MDN1: variants seen among roughly 807,000 people sequenced by gnomAD.
MDN1 encodes midasin.
MDN1 carries 266 observed loss-of-function variants against 669.2 expected under a neutral mutation model. That is an observed-to-expected ratio of 0.40 (90% confidence interval 0.36 to 0.44). The LOEUF (loss-of-function observed/expected upper bound fraction) is 0.44, where lower values mean the gene tolerates loss of function less well. MDN1 is among the 20% of genes least tolerant of loss of function. The pLI, the probability that MDN1 is intolerant of heterozygous loss-of-function variation, is 1.00. For missense variants in MDN1, 5,940 were observed against 6,754.0 expected (o/e 0.88, Z 4.22); for synonymous variants, 2,385 against 2,457.1 (o/e 0.97, Z 0.87).
At chr6:89,670,170 A>ATATATATATTTTT (rs1444537561) in intron 83 of MDN1, among the ~76,000 whole-genome samples, 20 of 23,396 alleles carry the variant, frequency 8.5e-4, no homozygotes, top group Non-Finnish European at 9.7e-4. Context: ...ATATATATAT[A>ATATATATATTTTT]TTTTTTTTTT....
intron 83 of MDN1, 99 bp from the exon 84 acceptor site, chr6:89,668,250 A>C: frequency 7.0e-7 from 1 of 1,425,636 alleles, no homozygotes; most frequent in Non-Finnish European, 9.5e-7. Context: ...ACACATACTG[A>C]ATTCTTTTTC....
chr6:89,717,165 G>A (rs934583011), intron 43 of MDN1, among the ~76,000 whole-genome samples: 2 of 152,102 alleles, frequency 1.3e-5, no homozygotes, highest in African/African-American at 4.8e-5. Flanking sequence ...GTGCAAACTG[G>A]GCTTCCTTTA....
intron 77 of MDN1, chr6:89,675,842 T>A: frequency 1.8e-6 from 1 of 557,536 alleles, no homozygotes; most frequent in Non-Finnish European, 3.1e-6. Context: ...AAAGATGGCA[T>A]TCTCAATTTG....
chr6:89,654,559 G>A (rs759945328), intron 92 of MDN1, among the ~76,000 whole-genome samples: 21 of 152,112 alleles, frequency 1.4e-4, no homozygotes, highest in Middle Eastern at 6.8e-3. Context: ...AAATTATGAG[G>A]ATATAATGTA....
chr6:89,756,701 T>C (rs1461408028), intron 19 of MDN1, among the ~76,000 whole-genome samples: 1 of 152,130 alleles, frequency 6.6e-6, no homozygotes, highest in African/African-American at 2.4e-5. Flanking sequence ...GGCCGGTGGA[T>C]CACGAGGTCA....
At chr6:89,812,175 G>A (rs969020308) in intron 1 of MDN1, among the ~76,000 whole-genome samples, 32 of 151,794 alleles carry the variant, frequency 2.1e-4, no homozygotes, top group South Asian at 4.2e-4. Flanking sequence ...TAGTAGAGAC[G>A]GGGTTTCACT....
intron 75 of MDN1, among the ~76,000 whole-genome samples, chr6:89,678,006 G>A (rs1036717537): frequency 2.0e-5 from 3 of 152,266 alleles, no homozygotes; most frequent in Non-Finnish European, 4.4e-5. Context: ...AGGCACGGTG[G>A]CTCACGCCTG....
In MDN1 at chr6:89,700,680, G is replaced by A; in HGVS notation, c.8604C>T (p.Ile2868=). Residue 2868 remains isoleucine, a synonymous_variant, in exon 56 of 102, where the codon ATC becomes ATT. Transcript: ENST00000369393. ...KKSLLQAWGL[I]LRANILEDVS... ...CATCTTCCAAAATATTTGCTCTGAGGATCAGTCCCCAGGCTTGCAGGAGAC... is the reference window on the plus strand; with the variant it reads ...CATCTTCCAAAATATTTGCTCTGAGAATCAGTCCCCAGGCTTGCAGGAGAC... The A allele has an allele frequency of 6.2e-7, 1 of 1,614,190 alleles. No homozygotes were observed. The highest frequency in any genetic ancestry group is 8.5e-7 in the Non-Finnish European group (1 of 1,180,036).
chr6:89,781,358 A>C (rs1328114891), intron 10 of MDN1, 41 bp downstream of exon 10: 1 of 1,591,870 alleles, frequency 6.3e-7, no homozygotes, highest in Non-Finnish European at 8.6e-7. Context: ...CTCACAAAAA[A>C]AAAAGAAAGA....
intron 29 of MDN1, among the ~76,000 whole-genome samples, chr6:89,745,051 CACCCCTCA>C (rs981485649): frequency 6.8e-6 from 1 of 147,822 alleles, no homozygotes; most frequent in African/African-American, 2.5e-5. Context: ...TGGTTTGCTG[CACCCCTCA>C]ACTCGTGATT....
chr6:89,672,351 C>T lies in MDN1; in HGVS notation c.13643G>A (p.Arg4548Lys). 6.2e-7 allele frequency: 1 copy of T among 1,612,308 alleles called. No homozygotes were observed. Among genetic ancestry groups the T allele is most frequent in the East Asian group, 2.2e-5 (1 of 44,886 alleles). Residue 4548 changes from arginine (R) to lysine (K), a missense_variant, in exon 82 of 102, where the codon AGA becomes AAA. By Grantham distance (26) the Arg-to-Lys change is conservative (BLOSUM62 2). Around this residue, in one of 5 missense-constraint regions of MDN1, gnomAD observed 2,280 missense variants for 2,576.3 expected, o/e 0.88. Transcript: ENST00000369393. ...TTTTGTTAGATGTCCTGATTGCAGTCTCTCAAAGCCTGCTGCCTCATTCAT... is the reference window on the plus strand; with the variant it reads ...TTTTGTTAGATGTCCTGATTGCAGTTTCTCAAAGCCTGCTGCCTCATTCAT... ...SPQEDYAGFE[R>K]LQSGHLTKLL... is the part of the protein sequence containing the mutation.
intron 34 of MDN1, among the ~76,000 whole-genome samples, chr6:89,732,226 A>T (rs1815648172): frequency 6.6e-6 from 1 of 151,434 alleles, no homozygotes; most frequent in Non-Finnish European, 1.5e-5. Context: ...TTTAAGCATT[A>T]TTCCTAACAC....
At chr6:89,699,972 T>C (rs1813032629) in intron 57 of MDN1, 91 bp downstream of exon 57, 2 of 1,282,856 alleles carry the variant, frequency 1.6e-6, no homozygotes, top group Non-Finnish European at 2.2e-6. Flanking sequence ...ACCATCCCTA[T>C]CAAGTCTGTG....
At chr6:89,758,763 A>C in intron 18 of MDN1, 53 bp downstream of exon 18, 1 of 1,592,886 alleles carries the variant, frequency 6.3e-7, no homozygotes, top group Non-Finnish European at 8.6e-7. Flanking sequence ...TCTCACTCTA[A>C]AGTGGCCACA....
At chr6:89,768,722 G>A (rs1357228547) in intron 15 of MDN1, among the ~76,000 whole-genome samples, 1 of 152,050 alleles carries the variant, frequency 6.6e-6, no homozygotes, top group South Asian at 2.1e-4. Flanking sequence ...GGGCAACAGA[G>A]TGAGACCCTG....
intron 11 of MDN1, among the ~76,000 whole-genome samples, chr6:89,778,992 T>C (rs1260630814): frequency 6.7e-6 from 1 of 150,002 alleles, no homozygotes; most frequent in African/African-American, 2.4e-5. Flanking sequence ...AAAAAAAAAA[T>C]TTTACAGGTG....
Position 89,654,171 on chromosome 6 carries a change from T to C in MDN1, c.15654A>G (p.Ala5218=). Residue 5218 remains alanine (A), a synonymous_variant, in exon 93 of 102, where the codon GCA becomes GCG. Coordinates refer to ENST00000369393, the MANE Select transcript of MDN1 (RefSeq NM_014611.3). ...KPEEIKSGTT[A]PLGFDEMEVE... ...TTCACTAGCAGGACTCACCCAAGGGTGCTGTGGTGCCCGACTTGATTTCCT... is the reference window on the plus strand; with the variant it reads ...TTCACTAGCAGGACTCACCCAAGGGCGCTGTGGTGCCCGACTTGATTTCCT... 6.2e-7 allele frequency: 1 copy of C among 1,614,186 alleles called. No individual in the cohort carries two copies. The highest frequency in any genetic ancestry group is 8.5e-7 in the Non-Finnish European group (1 of 1,180,028).
chr6:89,783,365 T>C (rs1395005598), intron 9 of MDN1, among the ~76,000 whole-genome samples: 4 of 152,110 alleles, frequency 2.6e-5, no homozygotes, highest in East Asian at 1.9e-4. Flanking sequence ...TCTCCTGCAG[T>C]ACCCTCAGGC....
intron 13 of MDN1, among the ~76,000 whole-genome samples, chr6:89,773,553 A>AG (rs1818214120): frequency 6.6e-6 from 1 of 151,688 alleles, no homozygotes; most frequent in Admixed American, 6.6e-5. Flanking sequence ...AAAAAAAAAA[A>AG]AAGAAGAGAA....
Sources: allele counts gnomAD v4.1 joint callset (sites outside exome capture counted in the v4.1 genomes callset), GRCh38; gene constraint gnomAD v4.1.1; regional missense constraint gnomAD v4.1.1; transcripts MANE v1.5; gene names NCBI Gene and HGNC (gene_info 2026-07-23, HGNC 2026-07-21).